Variants in SLC9A9 observed in about 807,000 individuals in gnomAD.
SLC9A9 encodes sodium/hydrogen exchanger 9.
Under a neutral mutation model 77.8 loss-of-function variants are expected in SLC9A9, and 62 were observed. The ratio of observed to expected loss-of-function variants is 0.80; its 90% CI spans 0.65 to 0.98. The LOEUF is 0.98. Among genes scored for constraint, SLC9A9 ranks in the 50% least tolerant of loss-of-function variants. SLC9A9 has a pLI of 0.00. For synonymous variants in SLC9A9, 320 were observed against 283.5 expected (o/e 1.13, Z -1.29); for missense variants, 775 against 774.9 (o/e 1.00, Z 0.00).
At chr3:143,564,628 A>G (rs1414290718) in intron 8 of SLC9A9, among the ~76,000 whole-genome samples, 1 of 152,208 alleles carries the variant, frequency 6.6e-6, no homozygotes, top group Non-Finnish European at 1.5e-5. Flanking sequence ...CCTTCAGGCA[A>G]TATGAAAGTA....
chr3:143,274,454 T>C (rs1296054827), intron 14 of SLC9A9, among the ~76,000 whole-genome samples: 4 of 152,198 alleles, frequency 2.6e-5, no homozygotes, highest in Non-Finnish European at 5.9e-5. Context: ...TGTGGGGTGC[T>C]GGCAAATGGT....
At position 143,793,490 on chromosome 3, in the gene SLC9A9, T is replaced by G. The variant is rs75294908; in HGVS notation, c.533+1511A>C. On this transcript the variant is annotated intron_variant, in intron 4 of 15. Coordinates refer to ENST00000316549, the MANE Select transcript of SLC9A9 (RefSeq NM_173653.4). ...ATCCATTATAAATTTCAAGACCCCATATTATAGAACCACTAAAATAAATCT... is the reference window on the plus strand; with the variant it reads ...ATCCATTATAAATTTCAAGACCCCAGATTATAGAACCACTAAAATAAATCT... Among the ~76,000 whole-genome samples, 1,595 of 152,316 alleles carry G rather than the reference T, an allele frequency of 0.01. 77 individuals are homozygous for G. In the East Asian group the frequency reaches 0.16, roughly 15 times the overall value.
intron 5 of SLC9A9, among the ~76,000 whole-genome samples, chr3:143,677,990 C>T (rs1383653871): frequency 1.3e-5 from 2 of 152,210 alleles, no homozygotes; most frequent in African/African-American, 4.8e-5. Flanking sequence ...CCATGCCCAG[C>T]TAATGTTTTG....
At chr3:143,754,196 T>G (rs1004053152) in intron 4 of SLC9A9, among the ~76,000 whole-genome samples, 1 of 152,154 alleles carries the variant, frequency 6.6e-6, no homozygotes, top group African/African-American at 2.4e-5. Flanking sequence ...GAATGGAAAA[T>G]ATAGCAAAAC....
At chr3:143,346,184 C>T (rs1156625006) in intron 14 of SLC9A9, among the ~76,000 whole-genome samples, 2 of 152,252 alleles carry the variant, frequency 1.3e-5, no homozygotes, top group Middle Eastern at 3.4e-3. Context: ...GAAACTCTCT[C>T]AGCATAAAAA....
chr3:143,570,185 A>G (rs990682358), intron 8 of SLC9A9, among the ~76,000 whole-genome samples: 2 of 152,194 alleles, frequency 1.3e-5, no homozygotes, highest in Non-Finnish European at 1.5e-5. Flanking sequence ...GTTAACAACA[A>G]CAAAAAAGTA....
intron 12 of SLC9A9, among the ~76,000 whole-genome samples, chr3:143,432,354 CTT>C (rs2108537113): frequency 6.6e-6 from 1 of 152,288 alleles, no homozygotes; most frequent in East Asian, 1.9e-4. Flanking sequence ...GCAGTAAACT[CTT>C]TGCCCATTCC....
intron 8 of SLC9A9, among the ~76,000 whole-genome samples, chr3:143,553,353 TAG>T (rs1313564444): frequency 6.6e-6 from 1 of 152,154 alleles, no homozygotes; most frequent in African/African-American, 2.4e-5. Context: ...GGTTAAAGAT[TAG>T]CTCAATTGTG....
chr3:143,811,577 G>A (rs1463456624), intron 2 of SLC9A9, among the ~76,000 whole-genome samples: 1 of 152,138 alleles, frequency 6.6e-6, no homozygotes, highest in African/African-American at 2.4e-5. Flanking sequence ...CCGGCACAGT[G>A]GCTCACACCT....
At chr3:143,510,784 G>A (rs902643205) in intron 9 of SLC9A9, among the ~76,000 whole-genome samples, 3 of 152,118 alleles carry the variant, frequency 2.0e-5, no homozygotes, top group Non-Finnish European at 4.4e-5. Flanking sequence ...TTTGGCCTGT[G>A]AGTCACATTT....
intron 12 of SLC9A9, among the ~76,000 whole-genome samples, chr3:143,436,194 C>T (rs558148026): frequency 3.4e-4 from 52 of 152,242 alleles, no homozygotes; most frequent in African/African-American, 1.0e-3. Context: ...TGAACCTCCA[C>T]GAGACTTCCA....
At chr3:143,325,031 G>C (rs1203014981) in intron 14 of SLC9A9, among the ~76,000 whole-genome samples, 2 of 149,266 alleles carry the variant, frequency 1.3e-5, no homozygotes, top group Non-Finnish European at 3.0e-5. Context: ...TAAGATTGTG[G>C]ATGCCTAATA....
rs181073568 is a variant in SLC9A9 at position 143,553,671 on chromosome 3, T to G, written c.1001-1221A>C. Among the ~76,000 whole-genome samples, 17 of 152,346 alleles carry G rather than the reference T, an allele frequency of 1.1e-4. No homozygotes were observed. In the East Asian group the frequency reaches 3.3e-3, roughly 29 times the overall value. On this transcript the variant is annotated intron_variant, in intron 8 of 15. Coordinates refer to ENST00000316549, the MANE Select transcript of SLC9A9 (RefSeq NM_173653.4). ...GGATAAAACATTGCTAACACATATT[T>G]GCATAAATGTGTAAAATCTACATGA...
At chr3:143,384,839 C>A (rs961890999) in intron 12 of SLC9A9, among the ~76,000 whole-genome samples, 5 of 152,154 alleles carry the variant, frequency 3.3e-5, no homozygotes, top group African/African-American at 1.2e-4. Context: ...CTTGCCCACA[C>A]AGGGCATACG....
intron 3 of SLC9A9, 83 bp downstream of exon 3, chr3:143,796,743 C>A: frequency 3.3e-6 from 3 of 902,542 alleles, no homozygotes; most frequent in Admixed American, 2.4e-5. Flanking sequence ...ATAGAGAAGC[C>A]CATAAAAATA....
Position 143,507,356 on chromosome 3 carries a change from C to T in SLC9A9, c.1090-11908G>A, listed in dbSNP as rs183584880. On this transcript the variant is annotated intron_variant, in intron 9 of 15. Transcript: ENST00000316549. ...CCGAGTAGCTGGGACTACAGGTGCC[C>T]GCCACAGCGCCCGGCTAATTTTTTG... Among the ~76,000 whole-genome samples the T allele has an allele frequency of 5.2e-3, 792 of 152,106 alleles. 4 individuals are homozygous for T. Among genetic ancestry groups the T allele is most frequent in the Admixed American group, 8.6e-3 (131 of 15,282 alleles).
At chr3:143,773,704 G>A (rs2007602273) in intron 4 of SLC9A9, among the ~76,000 whole-genome samples, 1 of 152,104 alleles carries the variant, frequency 6.6e-6, no homozygotes, top group Admixed American at 6.5e-5. Flanking sequence ...GGCTGGTCTC[G>A]AACTCCTGAC....
intron 2 of SLC9A9, among the ~76,000 whole-genome samples, chr3:143,830,941 A>G (rs1201060142): frequency 6.6e-6 from 1 of 152,144 alleles, no homozygotes; most frequent in Non-Finnish European, 1.5e-5. Flanking sequence ...GATTTAGGCT[A>G]ATATTATAAT....
At chr3:143,501,085 A>G (rs1365984690) in intron 9 of SLC9A9, among the ~76,000 whole-genome samples, 5 of 150,706 alleles carry the variant, frequency 3.3e-5, no homozygotes, top group Admixed American at 3.3e-4. Context: ...TCAATAAGTC[A>G]TCAGTAATTT....
Sources: allele counts gnomAD v4.1 joint callset (sites outside exome capture counted in the v4.1 genomes callset), GRCh38; gene constraint gnomAD v4.1.1; transcripts MANE v1.5; gene names NCBI Gene and HGNC (gene_info 2026-07-23, HGNC 2026-07-21).